The following DGKI variants were observed in gnomAD, a reference collection of about 807,000 sequenced individuals.
DGKI encodes DAG kinase iota.
A neutral mutation model predicts 147.5 loss-of-function variants in DGKI; 55 were observed. That is an observed-to-expected ratio of 0.37 (90% confidence interval 0.30 to 0.47). DGKI has a LOEUF of 0.47. DGKI is among the 20% of genes least tolerant of loss of function. DGKI has a pLI of 1.00. For synonymous variants in DGKI, 469 were observed against 477.1 expected (o/e 0.98, Z 0.22); for missense variants, 1,007 against 1,323.8 (o/e 0.76, Z 3.71).
intron 20 of DGKI, among the ~76,000 whole-genome samples, chr7:137,545,711 T>C (rs1005705636): frequency 6.6e-6 from 1 of 152,200 alleles, no homozygotes; most frequent in Non-Finnish European, 1.5e-5. Flanking sequence ...ACTTAGAGGA[T>C]GGAAGCACAT....
intron 14 of DGKI, among the ~76,000 whole-genome samples, chr7:137,584,943 C>T (rs1453759673): frequency 6.6e-6 from 1 of 152,154 alleles, no homozygotes; most frequent in Non-Finnish European, 1.5e-5. Flanking sequence ...AGACAAAATA[C>T]ATGCCTTTCT....
chr7:137,504,523 A>T (rs1366136068), intron 21 of DGKI, among the ~76,000 whole-genome samples: 1 of 152,228 alleles, frequency 6.6e-6, no homozygotes, highest in Non-Finnish European at 1.5e-5. Flanking sequence ...TAATCACAGA[A>T]TTAAAAAGTC....
intron 1 of DGKI, among the ~76,000 whole-genome samples, chr7:137,793,555 C>T (rs116396354): frequency 0.013 from 1,964 of 152,272 alleles, 50 homozygotes; most frequent in African/African-American, 0.044. Context: ...CCCGCCTTGG[C>T]CTCACCTGGC....
intron 1 of DGKI, among the ~76,000 whole-genome samples, chr7:137,809,178 G>T (rs1239269289): frequency 6.6e-6 from 1 of 152,124 alleles, no homozygotes; most frequent in East Asian, 1.9e-4. Context: ...TTTATAAACA[G>T]GGAAATGACA....
In DGKI at chr7:137,609,517, A is replaced by C; in HGVS notation, c.1068+18T>G. On this transcript the variant is annotated intron_variant, in intron 9 of 32. Coordinates refer to ENST00000614521, the MANE Select transcript of DGKI (RefSeq NM_001321708.2). Reference sequence around the variant, plus strand: ...AAGAAAGTGGAAATTCCTCAGAATAAAACTCTGAAACACTTACTTCCATCC... The same window carrying C: ...AAGAAAGTGGAAATTCCTCAGAATACAACTCTGAAACACTTACTTCCATCC... 2 of 1,586,412 alleles carry C rather than the reference A, an allele frequency of 1.3e-6. No homozygotes were observed. Among genetic ancestry groups the C allele is most frequent in the South Asian group, 1.1e-5 (1 of 90,458 alleles).
intron 1 of DGKI, among the ~76,000 whole-genome samples, chr7:137,699,227 C>T (rs1391186089): frequency 6.6e-6 from 1 of 152,180 alleles, no homozygotes; most frequent in Non-Finnish European, 1.5e-5. Flanking sequence ...CAGACTCCAC[C>T]CTCATGACCT....
intron 18 of DGKI, among the ~76,000 whole-genome samples, 195 bp downstream of exon 18, chr7:137,572,570 C>T (rs543567363): frequency 1.1e-4 from 17 of 152,230 alleles, no homozygotes; most frequent in African/African-American, 9.6e-5. Context: ...TGCCACATGA[C>T]GCACAAAACC....
At chr7:137,690,671 A>G (rs1423307039) in intron 1 of DGKI, among the ~76,000 whole-genome samples, 1 of 152,192 alleles carries the variant, frequency 6.6e-6, no homozygotes, top group African/African-American at 2.4e-5. Flanking sequence ...GTGGAACATA[A>G]CAGAATTCAC....
At chr7:137,816,214 G>C (rs923368026) in intron 1 of DGKI, among the ~76,000 whole-genome samples, 1 of 152,082 alleles carries the variant, frequency 6.6e-6, no homozygotes, top group Non-Finnish European at 1.5e-5. Flanking sequence ...AGCATTCTCA[G>C]ACTAATAGCC....
chr7:137,830,226 C>T (rs1313496142), intron 1 of DGKI, among the ~76,000 whole-genome samples: 1 of 152,196 alleles, frequency 6.6e-6, no homozygotes, highest in Non-Finnish European at 1.5e-5. Context: ...GCAATTGGTC[C>T]ACACCCATAC....
At chr7:137,404,296 G>C (rs911070505) in intron 30 of DGKI, among the ~76,000 whole-genome samples, 2 of 152,074 alleles carry the variant, frequency 1.3e-5, no homozygotes, top group Non-Finnish European at 2.9e-5. Flanking sequence ...TGTGGAATGA[G>C]GTGAATTAGG....
At chr7:137,721,259 T>G (rs565205018) in intron 1 of DGKI, among the ~76,000 whole-genome samples, 1 of 152,226 alleles carries the variant, frequency 6.6e-6, no homozygotes, top group African/African-American at 2.4e-5. Flanking sequence ...AATCCTACAA[T>G]GAATGTCTTT....
At chr7:137,691,153 T>C (rs1823589966) in intron 1 of DGKI, among the ~76,000 whole-genome samples, 1 of 152,092 alleles carries the variant, frequency 6.6e-6, no homozygotes, top group Non-Finnish European at 1.5e-5. Context: ...TTACACACAC[T>C]CCTAAGGTTC....
At chr7:137,455,419 G>A (rs1035236510) in intron 27 of DGKI, among the ~76,000 whole-genome samples, 8 of 152,084 alleles carry the variant, frequency 5.3e-5, no homozygotes, top group African/African-American at 1.9e-4. Flanking sequence ...ATAATTCAGT[G>A]ACTCCAGTGT....
intron 1 of DGKI, among the ~76,000 whole-genome samples, chr7:137,720,550 G>A (rs988866133): frequency 1.2e-4 from 18 of 152,046 alleles, no homozygotes; most frequent in Non-Finnish European, 2.5e-4. Flanking sequence ...GAGCCACCGC[G>A]CCCGGCCGAA....
chr7:137,441,171 A>G (rs992933000), intron 28 of DGKI, among the ~76,000 whole-genome samples: 6 of 152,152 alleles, frequency 3.9e-5, no homozygotes, highest in Non-Finnish European at 7.3e-5. Flanking sequence ...CTGTAATCCC[A>G]GTACTTTGGG....
chr7:137,695,579 T>C (rs1424604920), intron 1 of DGKI, among the ~76,000 whole-genome samples: 1 of 152,188 alleles, frequency 6.6e-6, no homozygotes, highest in Non-Finnish European at 1.5e-5. Flanking sequence ...GTAAGCTCCA[T>C]GTCTAACAAC....
chr7:137,464,856 G>A (rs1417293319), intron 26 of DGKI, among the ~76,000 whole-genome samples: 2 of 152,174 alleles, frequency 1.3e-5, no homozygotes, highest in Non-Finnish European at 2.9e-5. Context: ...TACTATTTGG[G>A]CACATTGTGT....
intron 1 of DGKI, among the ~76,000 whole-genome samples, chr7:137,797,386 A>G (rs1463822163): frequency 6.6e-6 from 1 of 152,200 alleles, no homozygotes; most frequent in Non-Finnish European, 1.5e-5. Flanking sequence ...AGGTAACCAC[A>G]TAGGTAAATA....
Sources: gnomAD v4.1 joint callset for allele counts (sites outside exome capture counted in the v4.1 genomes callset) on GRCh38, gnomAD v4.1.1 for gene constraint, MANE v1.5 for transcripts, NCBI Gene and HGNC (gene_info 2026-07-23, HGNC 2026-07-21) for gene names.